ASTN2: variants seen among roughly 807,000 people sequenced by gnomAD.
ASTN2 encodes astrotactin-2.
In ASTN2, 54 loss-of-function variants were observed where a neutral mutation model predicts 139.8. The ratio of observed to expected loss-of-function variants is 0.39; its 90% CI spans 0.31 to 0.48. The LOEUF is 0.48. ASTN2 is among the 20% of genes least tolerant of loss of function. The pLI, the probability that ASTN2 is intolerant of heterozygous loss-of-function variation, is 0.95. For missense variants in ASTN2, 1,565 were observed against 1,725.1 expected, an observed-to-expected ratio of 0.91 and a Z score of 1.64; for synonymous variants, 756 against 719.5, an observed-to-expected ratio of 1.05 and a Z score of -0.81.
At chr9:116,510,889 AAGG>A (rs1850346378) in intron 19 of ASTN2, among the ~76,000 whole-genome samples, 1 of 152,128 alleles carries the variant, frequency 6.6e-6, no homozygotes, top group African/African-American at 2.4e-5. Flanking sequence ...TTATCAGCTT[AAGG>A]AGATTTTGGG....
At chr9:117,286,727 T>C (rs1359556426) in intron 2 of ASTN2, among the ~76,000 whole-genome samples, 3 of 152,258 alleles carry the variant, frequency 2.0e-5, no homozygotes, top group East Asian at 1.9e-4. Flanking sequence ...ATCTATAAAA[T>C]GCTGGCATGA....
chr9:116,523,344 T>C (rs1474124342), intron 19 of ASTN2, among the ~76,000 whole-genome samples: 2 of 152,154 alleles, frequency 1.3e-5, no homozygotes, highest in African/African-American at 4.8e-5. Flanking sequence ...ATGGACATTT[T>C]GATCAAAAGG....
intron 6 of ASTN2, among the ~76,000 whole-genome samples, chr9:117,038,241 CA>C (rs1838450115): frequency 6.6e-6 from 1 of 152,096 alleles, no homozygotes; most frequent in Non-Finnish European, 1.5e-5. Flanking sequence ...GAAATAAAAT[CA>C]AATTTCACTG....
At chr9:116,787,072 C>T (rs1830397763) in intron 13 of ASTN2, among the ~76,000 whole-genome samples, 1 of 152,182 alleles carries the variant, frequency 6.6e-6, no homozygotes, top group Admixed American at 6.5e-5. Flanking sequence ...TCCATTAAAC[C>T]TCTTTCCTTT....
At chr9:116,659,750 A>G (rs1858443119) in intron 16 of ASTN2, among the ~76,000 whole-genome samples, 1 of 152,166 alleles carries the variant, frequency 6.6e-6, no homozygotes, top group Non-Finnish European at 1.5e-5. Context: ...AGCATTCTAA[A>G]GGTCACCTGG....
intron 2 of ASTN2, among the ~76,000 whole-genome samples, chr9:117,264,138 C>T (rs1321384840): frequency 6.6e-6 from 1 of 152,054 alleles, no homozygotes; most frequent in Non-Finnish European, 1.5e-5. Flanking sequence ...AATACTGTTA[C>T]TTCACTTAGT....
chr9:117,354,158 G>C (rs149512290), intron 1 of ASTN2, among the ~76,000 whole-genome samples: 2 of 152,182 alleles, frequency 1.3e-5, no homozygotes, highest in East Asian at 1.9e-4. Flanking sequence ...GAAGGTACTC[G>C]GGAGTATAAG....
intron 12 of ASTN2, among the ~76,000 whole-genome samples, chr9:116,813,210 G>A (rs527435961): frequency 6.6e-6 from 1 of 152,038 alleles, no homozygotes; most frequent in Non-Finnish European, 1.5e-5. Flanking sequence ...GATACATACC[G>A]GGCATTTTAG....
chr9:117,268,789 T>C (rs1180044859), intron 2 of ASTN2, among the ~76,000 whole-genome samples: 2 of 152,144 alleles, frequency 1.3e-5, no homozygotes, highest in East Asian at 3.9e-4. Flanking sequence ...CAAGCTGTAA[T>C]GTCTCTGGGG....
At chr9:117,380,521 C>G (rs1443350826) in intron 1 of ASTN2, among the ~76,000 whole-genome samples, 1 of 151,014 alleles carries the variant, frequency 6.6e-6, no homozygotes, top group Non-Finnish European at 1.5e-5. Context: ...AGGAGAATCA[C>G]TTGAACCCAG....
intron 4 of ASTN2, among the ~76,000 whole-genome samples, chr9:117,139,130 T>C (rs1238187603): frequency 6.6e-6 from 1 of 152,198 alleles, no homozygotes; most frequent in East Asian, 1.9e-4. Context: ...GGGGGATTTC[T>C]GGTGAATGAT....
Position 116,699,824 on chromosome 9 carries a change from C to A in ASTN2, c.2806+25947G>T. 1 of 1,332,174 alleles carries A rather than the reference C, an allele frequency of 7.5e-7. No homozygotes were observed. The highest frequency in any genetic ancestry group is 1.1e-6 in the Non-Finnish European group (1 of 950,888). 82.5% of individuals were successfully genotyped at this position (1,332,174 alleles called of 1,614,324 possible). On this transcript the variant is annotated intron_variant, in intron 16 of 22. Transcript: ENST00000313400. This position sits in a 1 kb window ranked among gnomAD's most constrained non-coding sequence, Gnocchi z 4.2. Reference sequence around the variant, plus strand: ...ATGTCCTGATTCCAGCTGGGTAGTTCTAGAACTTCAGAAGCTCCATCTTTT... The same window carrying A: ...ATGTCCTGATTCCAGCTGGGTAGTTATAGAACTTCAGAAGCTCCATCTTTT...
intron 5 of ASTN2, among the ~76,000 whole-genome samples, chr9:117,050,658 T>C (rs771210919): frequency 3.9e-5 from 6 of 152,136 alleles, no homozygotes; most frequent in Admixed American, 1.3e-4. Context: ...CGAGACCTAT[T>C]GATACTCAAA....
chr9:116,554,942 T>C (rs962062187), intron 19 of ASTN2, among the ~76,000 whole-genome samples: 1 of 152,160 alleles, frequency 6.6e-6, no homozygotes, highest in Non-Finnish European at 1.5e-5. Context: ...ACTGTGCTTG[T>C]TGATTTTCCA....
chr9:116,544,858 G>C (rs925392163), intron 19 of ASTN2, among the ~76,000 whole-genome samples: 17 of 152,178 alleles, frequency 1.1e-4, no homozygotes, highest in Non-Finnish European at 2.9e-5. Flanking sequence ...AAGTCATGAA[G>C]CATAAAAAGG....
chr9:117,046,526 A>G (rs967683507), intron 5 of ASTN2, among the ~76,000 whole-genome samples: 5 of 152,136 alleles, frequency 3.3e-5, no homozygotes, highest in Admixed American at 6.5e-5. Flanking sequence ...TAAGCTCTCA[A>G]TATATTTCCT....
chr9:116,632,211 A>AAGAG (rs1564169125), intron 17 of ASTN2, among the ~76,000 whole-genome samples: 1 of 119,410 alleles, frequency 8.4e-6, no homozygotes, highest in Admixed American at 8.7e-5. Flanking sequence ...AAAGAAAAGA[A>AAGAG]AGAAAGAAAG....
intron 3 of ASTN2, among the ~76,000 whole-genome samples, chr9:117,195,815 AAACAT>A (rs1402250411): frequency 3.3e-5 from 5 of 152,160 alleles, no homozygotes; most frequent in African/African-American, 1.2e-4. Context: ...TATTGACACC[AAACAT>A]GAGTTCCCTG....
intron 2 of ASTN2, among the ~76,000 whole-genome samples, chr9:117,258,156 G>A (rs1481864545): frequency 2.0e-5 from 3 of 152,116 alleles, no homozygotes; most frequent in Non-Finnish European, 4.4e-5. Context: ...TCAAACGCAT[G>A]GGTCATGAAG....
Sources: gnomAD v4.1 joint callset for allele counts (sites outside exome capture counted in the v4.1 genomes callset) on GRCh38, gnomAD v4.1.1 for gene constraint, Gnocchi (gnomAD v3.1) non-coding constraint, MANE v1.5 for transcripts, NCBI Gene and HGNC (gene_info 2026-07-23, HGNC 2026-07-21) for gene names.